ABLIM3: variants seen among roughly 807,000 people sequenced by gnomAD.
ABLIM3 encodes actin binding LIM protein family member 3.
Under a neutral mutation model 109.5 loss-of-function variants are expected in ABLIM3, and 61 were observed. The observed-to-expected ratio is 0.56, with a 90% confidence interval of 0.45 to 0.69. ABLIM3 has a LOEUF of 0.69. Ranked by LOEUF, ABLIM3 falls within the 30% of genes least tolerant of loss-of-function variation. The pLI, the probability that ABLIM3 is intolerant of heterozygous loss-of-function variation, is 0.00. For missense variants in ABLIM3, 796 were observed against 889.5 expected (o/e 0.89, Z 1.34); for synonymous variants, 300 against 324.8 (o/e 0.92, Z 0.82).
rs937799549 is a variant in ABLIM3, at chr5:149,161,339, A to G, written c.13+19231A>G. Among the ~76,000 whole-genome samples, 3 of 152,210 alleles carry G rather than the reference A, an allele frequency of 2.0e-5. No homozygotes were observed. In the South Asian group the frequency reaches 6.2e-4, roughly 32 times the overall value. On this transcript the variant is annotated intron_variant, in intron 2 of 23. Transcript: ENST00000309868. ...GGGAAAGACTTAGGGACTCCGAGCT[A>G]GGTGAGAAGTCCACCCTTCCCTCCA...
chr5:149,187,289 C>G (rs1285969227), intron 3 of ABLIM3, among the ~76,000 whole-genome samples: 1 of 152,166 alleles, frequency 6.6e-6, no homozygotes, highest in African/African-American at 2.4e-5. Flanking sequence ...CCTACAATAT[C>G]AGAGTAAAAC....
Position 149,233,619 on chromosome 5 carries a change from C to T in ABLIM3, c.888+319C>T, listed in dbSNP as rs58793431. 1.4e-3 allele frequency among the ~76,000 whole-genome samples: 217 copies of T among 152,254 alleles called. 1 individual carries two copies. Among genetic ancestry groups the T allele is most frequent in the African/African-American group, 4.8e-3 (198 of 41,548 alleles). ...AAAACCAATGCAAGGTGCCTCATTTCCCACTACTTAACTGAGAGCAAGAAA... is the reference window on the plus strand; with the variant it reads ...AAAACCAATGCAAGGTGCCTCATTTTCCACTACTTAACTGAGAGCAAGAAA... On this transcript the variant is annotated intron_variant, in intron 10 of 23. Coordinates refer to ENST00000309868, the MANE Select transcript of ABLIM3 (RefSeq NM_014945.5).
rs191547103 is a variant in ABLIM3 at position 149,155,304 on chromosome 5, A to G, written c.13+13196A>G. Among the ~76,000 whole-genome samples the G allele has an allele frequency of 1.1e-3, 172 of 152,328 alleles. 1 individual carries two copies. Among genetic ancestry groups the G allele is most frequent in the Non-Finnish European group, 3.8e-4 (26 of 68,032 alleles). ...GCACTATTCACTCATTCACTCGGGC[A>G]GTGAAACAAATCTTCACGCTGTGAG... On this transcript the variant is annotated intron_variant, in intron 2 of 23. Coordinates refer to ENST00000309868, the MANE Select transcript of ABLIM3 (RefSeq NM_014945.5).
chr5:149,152,592 G>T (rs1753532022), intron 2 of ABLIM3, among the ~76,000 whole-genome samples: 1 of 152,134 alleles, frequency 6.6e-6, no homozygotes, highest in Non-Finnish European at 1.5e-5. Context: ...CCTAGTAAAA[G>T]AGAGTAGGAC....
At chr5:149,164,980 GT>G (rs1754694641) in intron 2 of ABLIM3, among the ~76,000 whole-genome samples, 2 of 152,200 alleles carry the variant, frequency 1.3e-5, no homozygotes, top group Non-Finnish European at 2.9e-5. Flanking sequence ...CATATGCTCA[GT>G]TGTAGAACTG....
intron 23 of ABLIM3, among the ~76,000 whole-genome samples, chr5:149,257,737 A>G (rs986333423): frequency 2.0e-5 from 3 of 152,262 alleles, no homozygotes; most frequent in African/African-American, 7.2e-5. Flanking sequence ...GTTTGATTAT[A>G]AAGCATATTT....
At position 149,145,889 on chromosome 5, in the gene ABLIM3, G is replaced by A. The variant is rs138196332; in HGVS notation, c.13+3781G>A. 4.7e-3 allele frequency among the ~76,000 whole-genome samples: 709 copies of A among 151,984 alleles called. 9 individuals carry two copies. The highest frequency in any genetic ancestry group is 0.016 in the African/African-American group (678 of 41,470). On this transcript the variant is annotated intron_variant, in intron 2 of 23. Coordinates refer to ENST00000309868, the MANE Select transcript of ABLIM3 (RefSeq NM_014945.5). ...TAGGCTCAGCCTCCCAAGCTCAAGCGATCCTCCCACCTCAGCCTCCTGAGT... is the reference window on the plus strand; with the variant it reads ...TAGGCTCAGCCTCCCAAGCTCAAGCAATCCTCCCACCTCAGCCTCCTGAGT...
intron 2 of ABLIM3, among the ~76,000 whole-genome samples, chr5:149,147,261 GT>G (rs562609722): frequency 3.9e-3 from 594 of 152,130 alleles, no homozygotes; most frequent in Admixed American, 6.5e-3. Flanking sequence ...TGAAGTCATA[GT>G]TTTTATCATG....
chr5:149,197,978 G>A (rs1758132579), intron 3 of ABLIM3, among the ~76,000 whole-genome samples: 1 of 151,954 alleles, frequency 6.6e-6, no homozygotes, highest in African/African-American at 2.4e-5. Flanking sequence ...TGATGCTAGT[G>A]GCCTACTGGC....
At chr5:149,159,909 A>T (rs1001065915) in intron 2 of ABLIM3, among the ~76,000 whole-genome samples, 1 of 151,968 alleles carries the variant, frequency 6.6e-6, no homozygotes, top group African/African-American at 2.4e-5. Flanking sequence ...TCTCCATCTC[A>T]TTTGTACTTA....
intron 21 of ABLIM3, 144 bp from the exon 22 acceptor site, chr5:149,252,057 G>A: frequency 4.7e-6 from 4 of 845,490 alleles, no homozygotes; most frequent in Non-Finnish European, 7.2e-6. Context: ...GGTGAATTCA[G>A]CAAGGACAAG....
chr5:149,231,243 C>T (rs150527885), intron 9 of ABLIM3, among the ~76,000 whole-genome samples: 22 of 152,322 alleles, frequency 1.4e-4, no homozygotes, highest in Admixed American at 8.5e-4. Context: ...TCCCCAGGTA[C>T]GCGCTGGGCC....
At chr5:149,188,010 C>T (rs1757137610) in intron 3 of ABLIM3, among the ~76,000 whole-genome samples, 1 of 152,138 alleles carries the variant, frequency 6.6e-6, no homozygotes, top group Non-Finnish European at 1.5e-5. Context: ...TAATAACTTG[C>T]CTTGCTGAGA....
chr5:149,210,938 A>G (rs1759488119), intron 7 of ABLIM3, 119 bp downstream of exon 7: 3 of 899,826 alleles, frequency 3.3e-6, no homozygotes, highest in Admixed American at 1.9e-5. Flanking sequence ...TACCTCCTCC[A>G]CCTTTGCTTG....
intron 3 of ABLIM3, among the ~76,000 whole-genome samples, chr5:149,195,674 T>G (rs1331966743): frequency 1.3e-5 from 2 of 152,186 alleles, no homozygotes. Flanking sequence ...TTGTAGGCCA[T>G]GACCTAATTG....
chr5:149,147,956 T>C (rs1398629567), intron 2 of ABLIM3, among the ~76,000 whole-genome samples: 2 of 152,142 alleles, frequency 1.3e-5, no homozygotes, highest in Non-Finnish European at 2.9e-5. Flanking sequence ...GTGGGCATCA[T>C]TGTGGCTGTC....
intron 2 of ABLIM3, among the ~76,000 whole-genome samples, chr5:149,173,194 C>A (rs1411789712): frequency 1.3e-5 from 2 of 152,162 alleles, no homozygotes; most frequent in African/African-American, 4.8e-5. Context: ...AGGGTTCTGT[C>A]ACATGGCGTG....
intron 3 of ABLIM3, among the ~76,000 whole-genome samples, chr5:149,183,971 G>T (rs201655007): frequency 2.4e-4 from 35 of 144,704 alleles, no homozygotes; most frequent in African/African-American, 5.8e-4. Context: ...TTGTTTTTTG[G>T]TTTTTTTTTT....
chr5:149,169,336 T>C (rs994006318), intron 2 of ABLIM3, among the ~76,000 whole-genome samples: 2 of 152,092 alleles, frequency 1.3e-5, no homozygotes, highest in Non-Finnish European at 2.9e-5. Flanking sequence ...TCCTTCCATC[T>C]TAAGGGGATC....
Sources: gnomAD v4.1 joint callset for allele counts (sites outside exome capture counted in the v4.1 genomes callset) on GRCh38, gnomAD v4.1.1 for gene constraint, MANE v1.5 for transcripts, NCBI Gene and HGNC (gene_info 2026-07-23, HGNC 2026-07-21) for gene names.